The following CENPF variants were observed in gnomAD, a reference collection of about 807,000 sequenced individuals.
CENPF encodes centromere protein F, also known as AH antigen.
A neutral mutation model predicts 307.3 loss-of-function variants in CENPF; 214 were observed. The observed-to-expected ratio is 0.70, with a 90% CI of 0.62 to 0.78. The LOEUF (loss-of-function observed/expected upper bound fraction) is 0.78. Among genes scored for constraint, CENPF ranks in the 30% least tolerant of loss-of-function variants. CENPF has a pLI of 0.00. For missense variants in CENPF, 3,401 were observed against 3,483.9 expected, an observed-to-expected ratio of 0.98 and a Z score of 0.60; for synonymous variants, 1,259 against 1,270.6, an observed-to-expected ratio of 0.99 and a Z score of 0.19.
At position 214,642,098 on chromosome 1, in the gene CENPF, C is replaced by G; in HGVS notation, c.3760C>G (p.Gln1254Glu). The stretch of plus-strand genomic sequence containing the variant: ...TGAAACCAGCAATTTGCAAGACATG[C>G]AGTCACAAGAAATTAGTGGCCTTAA... Reference protein sequence around the residue: ...DLETSNLQDMQSQEISGLKDC... With the variant: ...DLETSNLQDMESQEISGLKDC... The change falls in exon 12 of 20, where the codon CAG (glutamine) becomes GAG (glutamate). Residue 1254 changes from glutamine to glutamate, a missense_variant. By Grantham distance (29) the Gln-to-Glu change is conservative (BLOSUM62 2). Transcript: ENST00000366955. 1.2e-6 allele frequency: 2 copies of G among 1,611,832 alleles called. No individual in the cohort carries two copies. The highest frequency in any genetic ancestry group is 1.7e-6 in the Non-Finnish European group (2 of 1,179,310).
At chr1:214,621,169 A>C (rs1372541621) in intron 6 of CENPF, among the ~76,000 whole-genome samples, 1 of 152,182 alleles carries the variant, frequency 6.6e-6, no homozygotes, top group African/African-American at 2.4e-5. Context: ...TGGTGCCTGG[A>C]AGCCTCTAAA....
At chr1:214,610,471 C>A (rs1657167559) in intron 1 of CENPF, among the ~76,000 whole-genome samples, 1 of 149,898 alleles carries the variant, frequency 6.7e-6, no homozygotes, top group South Asian at 2.1e-4. Flanking sequence ...TGCTTGTTAG[C>A]CACATGTATT....
chr1:214,646,021 T>A lies in CENPF; in HGVS notation c.6451T>A (p.Ser2151Thr). 2 of 1,614,052 alleles carry A rather than the reference T, an allele frequency of 1.2e-6. No individual in the cohort carries two copies. Among genetic ancestry groups the A allele is most frequent in the Non-Finnish European group, 1.7e-6 (2 of 1,180,026 alleles). Residue 2151 changes from serine to threonine, a missense_variant, in exon 13 of 20, where the codon TCA becomes ACA. Physicochemically the swap from Ser to Thr is moderately conservative, Grantham distance 58. Transcript: ENST00000366955. ...GAAAGAACGCGAGCGGGAGAATGAT[T>A]CACTTAAGGATAAAGTTGAGAACCT... is the stretch of plus-strand genomic sequence containing the variant. Reference protein sequence around the residue: ...KLKERERENDSLKDKVENLER... With the variant: ...KLKERERENDTLKDKVENLER...
Position 214,642,164 on chromosome 1 carries a change from C to T in CENPF, c.3826C>T (p.Pro1276Ser), listed in dbSNP as rs781013548. The stretch of plus-strand genomic sequence containing the variant: ...TGCGGAAGAAAAGTATATTTCAGGG[C>T]CTCATGAGTTGTCAACAAGTCAAAA... ...IDAEEKYISG[P>S]HELSTSQNDN... Residue 1276 changes from proline to serine, a missense_variant, in exon 12 of 20, where the codon CCT (proline) becomes TCT (serine). By Grantham distance (74) the Pro-to-Ser change is moderately conservative. Transcript: ENST00000366955. The T allele has an allele frequency of 6.2e-7, 1 of 1,614,120 alleles. No homozygotes were observed. The highest frequency in any genetic ancestry group is 8.5e-7 in the Non-Finnish European group (1 of 1,180,002).
At chr1:214,655,069 C>A in intron 16 of CENPF, 172 bp from the exon 17 acceptor site, 1 of 419,546 alleles carries the variant, frequency 2.4e-6, no homozygotes, top group Non-Finnish European at 4.2e-6. Flanking sequence ...GTTGGGGGGA[C>A]TTAGGAAACT....
intron 19 of CENPF, 24 bp from the exon 20 acceptor site, chr1:214,663,567 C>CT (rs1558195156): frequency 6.2e-7 from 1 of 1,611,680 alleles, no homozygotes; most frequent in Non-Finnish European, 8.5e-7. Flanking sequence ...GATTGAACCT[C>CT]TAACAGAGAT....
In CENPF at chr1:214,641,226, C is replaced by A; in HGVS notation, c.2888C>A (p.Ser963Tyr). 1 of 1,606,466 alleles carries A rather than the reference C, an allele frequency of 6.2e-7. No individual in the cohort carries two copies. The highest frequency in any genetic ancestry group is 2.2e-5 in the East Asian group (1 of 44,820). Residue 963 changes from serine (S) to tyrosine (Y), a missense_variant, in exon 12 of 20, where the codon TCT becomes TAT. Ser to Tyr is a moderately radical substitution (Grantham distance 144, BLOSUM62 -2). Coordinates refer to ENST00000366955, the MANE Select transcript of CENPF (RefSeq NM_016343.4). ...AAGAAAGAAATGAGTTCCATCATTT[C>A]TCTAAATAAAAGGGAAATTGAAGAG... ...LEKKEMSSII[S>Y]LNKREIEELT... is the part of the protein sequence containing the mutation.
At position 214,618,671 on chromosome 1, in the gene CENPF, T is replaced by C; in HGVS notation, c.458T>C (p.Leu153Pro). 1 of 1,613,884 alleles carries C rather than the reference T, an allele frequency of 6.2e-7. No homozygotes were observed. Among genetic ancestry groups the C allele is most frequent in the Non-Finnish European group, 8.5e-7 (1 of 1,179,810 alleles). The change falls in exon 4 of 20, where the codon CTA becomes CCA. Residue 153 changes from leucine (L) to proline (P), a missense_variant. By Grantham distance (98) the Leu-to-Pro change is moderately conservative (BLOSUM62 -3). Coordinates refer to ENST00000366955, the MANE Select transcript of CENPF (RefSeq NM_016343.4). ...CCACAAAAAATTTTTACAACTCCAC[T>C]AACACCAAGTCAATATTATAGTGGT... ...NTPQKIFTTP[L>P]TPSQYYSGSK...
chr1:214,652,316 T>C (rs1658502489), intron 15 of CENPF, among the ~76,000 whole-genome samples: 1 of 151,906 alleles, frequency 6.6e-6, no homozygotes, highest in Non-Finnish European at 1.5e-5. Context: ...ATTACAGGCG[T>C]GAGCCACTGC....
At chr1:214,604,237 T>C (rs559175471) in intron 1 of CENPF, among the ~76,000 whole-genome samples, 156 of 152,232 alleles carry the variant, frequency 1.0e-3, no homozygotes, top group Non-Finnish European at 1.8e-3. Flanking sequence ...AGTTCGGGCA[T>C]GAAGAGTGCC....
chr1:214,618,507 A>G (rs1392759565), intron 3 of CENPF, 66 bp from the exon 4 acceptor site: 16 of 1,556,014 alleles, frequency 1.0e-5, no homozygotes, highest in Admixed American at 1.9e-5. Context: ...TGGGAATGTA[A>G]GGCATTGATA....
intron 14 of CENPF, among the ~76,000 whole-genome samples, chr1:214,650,556 A>G (rs929493954): frequency 1.3e-5 from 2 of 152,158 alleles, no homozygotes; most frequent in African/African-American, 4.8e-5. Context: ...TGATAAGGCA[A>G]ACACCCAGGG....
chr1:214,647,718 A>G (rs1658351703), intron 13 of CENPF, among the ~76,000 whole-genome samples: 1 of 152,208 alleles, frequency 6.6e-6, no homozygotes, highest in African/African-American at 2.4e-5. Flanking sequence ...CTTAGAGTAC[A>G]TCAGAATAGT....
At chr1:214,651,642 C>A (rs1658463154) in intron 14 of CENPF, 68 bp from the exon 15 acceptor site, 3 of 1,242,278 alleles carry the variant, frequency 2.4e-6, no homozygotes, top group Non-Finnish European at 2.2e-6. Context: ...CACATTATTT[C>A]CTAAAAATAT....
rs1658860724 is a variant in CENPF at position 214,664,227 on chromosome 1, T to C, written c.*433T>C. ...TAGTATGAGGCATGGAATAGTTTTGTATCGGGAATTTCTCAGAGCTGAGTA... is the reference window on the plus strand; with the variant it reads ...TAGTATGAGGCATGGAATAGTTTTGCATCGGGAATTTCTCAGAGCTGAGTA... On this transcript the variant is annotated 3_prime_UTR_variant, in exon 20 of 20. Coordinates refer to ENST00000366955, the MANE Select transcript of CENPF (RefSeq NM_016343.4). 1 of 156,666 alleles carries C rather than the reference T, an allele frequency of 6.4e-6. No homozygotes were observed. The highest frequency in any genetic ancestry group is 2.4e-5 in the African/African-American group (1 of 41,504). The allele number at this position is 156,666 out of a possible 1,614,324, so 9.7% of individuals were successfully genotyped here.
At position 214,642,926 on chromosome 1, in the gene CENPF, A is replaced by G. The variant is rs760427249; in HGVS notation, c.4588A>G (p.Ser1530Gly). Residue 1530 changes from serine (S) to glycine (G), a missense_variant, in exon 12 of 20, where the codon AGT becomes GGT. Transcript: ENST00000366955. ...CAGTGTAGATGAAGTATTTTGCAGC[A>G]GTCTGCAGGAGGAGAATCTGACCAG... ...QCSVDEVFCS[S>G]LQEENLTRKE... 1.2e-5 allele frequency: 20 copies of G among 1,613,986 alleles called. No homozygotes were observed. Among genetic ancestry groups the G allele is most frequent in the Non-Finnish European group, 1.7e-5 (20 of 1,180,004 alleles).
chr1:214,606,338 G>A (rs1657032547), intron 1 of CENPF, among the ~76,000 whole-genome samples: 1 of 152,178 alleles, frequency 6.6e-6, no homozygotes, highest in African/African-American at 2.4e-5. Flanking sequence ...GATCTGTAGG[G>A]ATCCCGCCTA....
At chr1:214,610,853 T>C (rs1447398403) in intron 1 of CENPF, among the ~76,000 whole-genome samples, 1 of 152,222 alleles carries the variant, frequency 6.6e-6, no homozygotes, top group Admixed American at 6.5e-5. Flanking sequence ...CTTGAATTAA[T>C]TTTTGTATAT....
Position 214,657,176 on chromosome 1 carries a change from C to T in CENPF, c.8729C>T (p.Pro2910Leu), listed in dbSNP as rs761553326. ...SPLLGPVVPGPSPIPSVTEKR... is the reference protein window; with the variant it reads ...SPLLGPVVPGLSPIPSVTEKR... ...TTGCTAGGTCCAGTTGTTCCAGGAC[C>T]ATCTCCAATCCCTTCTGTTACTGAA... is the stretch of plus-strand genomic sequence containing the variant. Residue 2910 changes from proline (P) to leucine (L), a missense_variant, in exon 18 of 20, where the codon CCA becomes CTA. Physicochemically the swap from Pro to Leu is moderately conservative, Grantham distance 98 (BLOSUM62 -3). Coordinates refer to ENST00000366955, the MANE Select transcript of CENPF (RefSeq NM_016343.4). The T allele has an allele frequency of 6.2e-7, 1 of 1,614,138 alleles. No homozygotes were observed. Among genetic ancestry groups the T allele is most frequent in the Non-Finnish European group, 8.5e-7 (1 of 1,180,022 alleles).
Sources: allele counts gnomAD v4.1 joint callset (sites outside exome capture counted in the v4.1 genomes callset), GRCh38; gene constraint gnomAD v4.1.1; transcripts MANE v1.5; gene names NCBI Gene and HGNC (gene_info 2026-07-23, HGNC 2026-07-21).